RARB: variants seen among roughly 807,000 people sequenced by gnomAD.
The protein encoded by RARB is HBV-activated protein.
Under a neutral mutation model 51.9 loss-of-function variants are expected in RARB, and 17 were observed. That is an observed-to-expected ratio of 0.33 (90% confidence interval 0.22 to 0.49). The LOEUF (loss-of-function observed/expected upper bound fraction) is 0.49, where lower values mean the gene tolerates loss of function less well. RARB is among the 20% of genes least tolerant of loss of function. The pLI is 0.99. For missense variants in RARB, 369 were observed against 550.8 expected, an observed-to-expected ratio of 0.67 and a Z score of 3.30; for synonymous variants, 215 against 195.4, an observed-to-expected ratio of 1.10 and a Z score of -0.84.
chr3:25,234,809 A>G (rs1317700368), intron 5 of RARB, among the ~76,000 whole-genome samples: 4 of 152,084 alleles, frequency 2.6e-5, no homozygotes, highest in Admixed American at 6.6e-5. Flanking sequence ...TGAAGATTTC[A>G]TGCACACTCT....
chr3:25,563,611 A>G (rs1429647171), intron 3 of RARB, among the ~76,000 whole-genome samples: 2 of 152,244 alleles, frequency 1.3e-5, no homozygotes, highest in African/African-American at 4.8e-5. Flanking sequence ...GTCTCTAACA[A>G]TTAGTAATAG....
At chr3:25,369,252 G>A (rs1036456261) in intron 5 of RARB, among the ~76,000 whole-genome samples, 1 of 152,108 alleles carries the variant, frequency 6.6e-6, no homozygotes, top group African/African-American at 2.4e-5. Context: ...ATATGACACT[G>A]TAAGGCATTG....
At chr3:25,491,633 C>G (rs527907236) in intron 2 of RARB, among the ~76,000 whole-genome samples, 1 of 152,264 alleles carries the variant, frequency 6.6e-6, no homozygotes, top group Non-Finnish European at 1.5e-5. Context: ...AAATGCTTGT[C>G]TCTTATTCAA....
rs118074165 is a variant in RARB at position 25,187,162 on chromosome 3, G to T, written c.178+12587G>T. Among the ~76,000 whole-genome samples, 354 of 152,144 alleles carry T rather than the reference G, an allele frequency of 2.3e-3. 2 individuals carry two copies. Among genetic ancestry groups the T allele is most frequent in the East Asian group, 0.02 (105 of 5,160 alleles). ...GTCTTATGACCTGCAGGAGAGCATG[G>T]TGAGAGGAAGAAGACAATGGCCTCT... is the stretch of plus-strand genomic sequence containing the variant. On this transcript the variant is annotated intron_variant, in intron 5 of 11. Coordinates refer to the RARB transcript ENST00000383772.
At chr3:25,241,993 T>C (rs976707450) in intron 5 of RARB, among the ~76,000 whole-genome samples, 3 of 152,246 alleles carry the variant, frequency 2.0e-5, no homozygotes, top group Admixed American at 6.5e-5. Flanking sequence ...GACTTTTTAA[T>C]GATCACCACT....
chr3:25,428,858 A>G lies in RARB; in HGVS notation c.127A>G (p.Thr43Ala). The G allele has an allele frequency of 6.2e-7, 1 of 1,613,178 alleles. No homozygotes were observed. The change falls in exon 1 of 8, where the codon ACC becomes GCC. Residue 43 changes from threonine to alanine, a missense_variant. Around this residue, in one of 9 missense-constraint regions of RARB, gnomAD observed 99 missense variants for 95.1 expected, o/e 1.04. Coordinates refer to ENST00000330688, the MANE Select transcript of RARB (RefSeq NM_000965.5). ...LKACFSGLTQ[T>A]EWQHRHTAQS... ...AGCATGCTTCAGTGGATTGACCCAA[A>G]CCGAATGGCAGCATCGGCACACTGC... is the stretch of plus-strand genomic sequence containing the variant.
intron 5 of RARB, among the ~76,000 whole-genome samples, chr3:25,219,878 G>GA (rs1390272996): frequency 9.2e-5 from 14 of 152,066 alleles, no homozygotes; most frequent in African/African-American, 3.4e-4. Flanking sequence ...CTTGATACAG[G>GA]AAAAAATAAT....
chr3:24,985,748 C>T (rs958151975), intron 2 of RARB, among the ~76,000 whole-genome samples: 9 of 152,192 alleles, frequency 5.9e-5, no homozygotes, highest in African/African-American at 2.2e-4. Flanking sequence ...AACAGTCCCA[C>T]TCTTTTGTAC....
At chr3:25,116,445 C>G (rs527764773) in intron 3 of RARB, among the ~76,000 whole-genome samples, 1 of 151,800 alleles carries the variant, frequency 6.6e-6, no homozygotes, top group South Asian at 2.1e-4. Context: ...AAAAACGAGT[C>G]GAGAATATAG....
chr3:25,010,723 T>C (rs1697377479), intron 2 of RARB, among the ~76,000 whole-genome samples: 1 of 152,120 alleles, frequency 6.6e-6, no homozygotes. Flanking sequence ...GGTTTTGTGA[T>C]TTGCTCAGAG....
chr3:25,312,449 G>A (rs1017694157), intron 5 of RARB, among the ~76,000 whole-genome samples: 1 of 152,078 alleles, frequency 6.6e-6, no homozygotes, highest in Non-Finnish European at 1.5e-5. Context: ...CGTCAGGACT[G>A]AAACTTCAGA....
intron 5 of RARB, among the ~76,000 whole-genome samples, chr3:25,318,639 G>T (rs1559355508): frequency 6.6e-6 from 1 of 152,108 alleles, no homozygotes; most frequent in Non-Finnish European, 1.5e-5. Flanking sequence ...ACAGGGATCT[G>T]CTCAAGTCCT....
chr3:25,557,002 A>C (rs1340000813), intron 3 of RARB, among the ~76,000 whole-genome samples: 1 of 152,218 alleles, frequency 6.6e-6, no homozygotes, highest in African/African-American at 2.4e-5. Flanking sequence ...CTGATGTGCA[A>C]GGTAGGTCAA....
chr3:25,422,217 T>C (rs745780344), intron 5 of RARB, among the ~76,000 whole-genome samples: 4 of 152,242 alleles, frequency 2.6e-5, no homozygotes, highest in Non-Finnish European at 5.9e-5. Flanking sequence ...CATTATCCTT[T>C]ATTAATAATA....
chr3:25,338,186 C>A (rs1705122524), intron 5 of RARB, among the ~76,000 whole-genome samples: 1 of 151,690 alleles, frequency 6.6e-6, no homozygotes, highest in African/African-American at 2.4e-5. Context: ...TCATGAGCTA[C>A]ATTTTGGTCA....
intron 3 of RARB, among the ~76,000 whole-genome samples, chr3:25,085,919 G>A (rs1203218298): frequency 1.3e-5 from 2 of 152,206 alleles, no homozygotes; most frequent in African/African-American, 4.8e-5. Context: ...TGTGAAGGAA[G>A]CTTGCTTCTT....
chr3:24,927,804 T>C (rs1318356240), intron 2 of RARB, among the ~76,000 whole-genome samples: 2 of 151,940 alleles, frequency 1.3e-5, no homozygotes, highest in Admixed American at 6.6e-5. Context: ...TTCAAATGAG[T>C]TGGTGTGAGT....
chr3:25,064,240 A>C (rs1339371683), intron 3 of RARB, among the ~76,000 whole-genome samples: 1 of 152,140 alleles, frequency 6.6e-6, no homozygotes, highest in African/African-American at 2.4e-5. Context: ...ATATAATGGC[A>C]ATAGATTTCC....
chr3:25,590,552 A>G (rs1701576084), intron 5 of RARB, among the ~76,000 whole-genome samples: 1 of 152,054 alleles, frequency 6.6e-6, no homozygotes, highest in South Asian at 2.1e-4. Context: ...ACAGGGTCTC[A>G]CTCTGTCACC....
Sources: allele counts gnomAD v4.1 joint callset (sites outside exome capture counted in the v4.1 genomes callset), GRCh38; gene constraint gnomAD v4.1.1; regional missense constraint gnomAD v4.1.1; transcripts MANE v1.5; gene names NCBI Gene and HGNC (gene_info 2026-07-23, HGNC 2026-07-21).